ABCB4: variants seen among roughly 807,000 people sequenced by gnomAD.
ABCB4 encodes the protein ATP binding cassette subfamily B member 4.
ABCB4 carries 76 observed loss-of-function variants against 145.7 expected under a neutral mutation model. That is an observed-to-expected ratio of 0.52 (90% CI 0.43 to 0.63). The LOEUF is 0.63. Ranked by LOEUF, ABCB4 falls within the 30% of genes least tolerant of loss-of-function variation. ABCB4 has a pLI of 0.00. For synonymous variants in ABCB4, 517 were observed against 566.8 expected (o/e 0.91, Z 1.25); for missense variants, 1,234 against 1,553.1 (o/e 0.79, Z 3.45).
At chr7:87,387,482 G>C in the ABCB4 span, among the ~76,000 whole-genome samples, 2 of 143,132 alleles carry the variant, frequency 1.4e-5, no homozygotes, top group East Asian at 4.1e-4. Flanking sequence ...TTGTACAGTT[G>C]ACCCTTCAAC....
At chr7:87,383,191 A>G in the ABCB4 span, among the ~76,000 whole-genome samples, 6 of 152,152 alleles carry the variant, frequency 3.9e-5, no homozygotes, top group Non-Finnish European at 8.8e-5. Flanking sequence ...CTACTGTGCT[A>G]TCGAACACTA....
chr7:87,439,830 T>A lies in ABCB4; in HGVS notation c.1568A>T (p.Asp523Val). 2 of 1,614,158 alleles carry A rather than the reference T, an allele frequency of 1.2e-6. No homozygotes were observed. Among genetic ancestry groups the A allele is most frequent in the Non-Finnish European group, 1.7e-6 (2 of 1,180,012 alleles). Residue 523 changes from aspartate to valine, a missense_variant, in exon 14 of 28, where the codon GAC becomes GTC. By Grantham distance (152) the Asp-to-Val change is radical. Around this residue, in one of 7 missense-constraint regions of ABCB4, gnomAD observed 467 missense variants for 632.8 expected, o/e 0.74. Transcript: ENST00000649586. ...EFIMKLPQKF[D>V]TLVGERGAQL... ...GGCCCCTCTCTCTCCAACCAGGGTG[T>A]CAAATTTCTAACACAGAAAACATGG...
the ABCB4 span, chr7:87,375,775 T>G: frequency 6.2e-7 from 1 of 1,612,414 alleles, no homozygotes; most frequent in Non-Finnish European, 8.5e-7. Flanking sequence ...CAAACTCTTT[T>G]GATGTATTGT....
intron 21 of ABCB4, among the ~76,000 whole-genome samples, chr7:87,415,715 A>T (rs990208097): frequency 6.6e-6 from 1 of 152,206 alleles, no homozygotes; most frequent in Admixed American, 6.5e-5. Context: ...TGTGAATAGC[A>T]AGACCAAAGC....
At chr7:87,412,473 G>A (rs553341768) in intron 22 of ABCB4, among the ~76,000 whole-genome samples, 41 of 152,204 alleles carry the variant, frequency 2.7e-4, no homozygotes, top group African/African-American at 9.6e-4. Context: ...TCATGTTTCA[G>A]ATTCACAAAA....
chr7:87,408,076 C>T lies in ABCB4; in HGVS notation c.3240G>A (p.Gln1080=), dbSNP rs762812271. 1.2e-6 allele frequency: 2 copies of T among 1,614,148 alleles called. No individual in the cohort carries two copies. The highest frequency in any genetic ancestry group is 1.7e-5 in the Admixed American group (1 of 60,028). The part of the protein sequence containing the change: ...SSGCGKSTVV[Q]LLERFYDPLA... The stretch of plus-strand genomic sequence containing the variant: ...AGGGGTCGTAGAACCGCTCCAGGAG[C>T]TGGACCACCGTGCTCTTCCCACAGC... Residue 1080 remains glutamine (Q), a synonymous_variant, in exon 25 of 28, where the codon CAG becomes CAA. Coordinates refer to ENST00000649586, the MANE Select transcript of ABCB4 (RefSeq NM_000443.4).
intron 15 of ABCB4, among the ~76,000 whole-genome samples, chr7:87,428,655 T>A (rs1177583989): frequency 6.6e-6 from 1 of 152,000 alleles, no homozygotes; most frequent in Non-Finnish European, 1.5e-5. Flanking sequence ...TTCTCACAAA[T>A]CAATGAGAAT....
At chr7:87,398,846 C>T (rs902894331), downstream of ABCB4, 2 of 561,564 alleles carry the variant, frequency 3.6e-6, no homozygotes, top group South Asian at 2.2e-5. Context: ...TTTTAAGCTC[C>T]TCTGATGCAG....
At chr7:87,454,028 AT>A (rs753254107) in intron 5 of ABCB4, among the ~76,000 whole-genome samples, 16 of 152,262 alleles carry the variant, frequency 1.1e-4, no homozygotes, top group Non-Finnish European at 1.8e-4. Flanking sequence ...ATTTTAAAAA[AT>A]AATAAGTACA....
chr7:87,375,311 G>T, the ABCB4 span: 18 of 226,124 alleles, frequency 8.0e-5, no homozygotes, highest in African/African-American at 4.1e-4. Flanking sequence ...CCATTGTAAG[G>T]ATATTTACAG....
chr7:87,451,386 T>C (rs1811721061), intron 7 of ABCB4, among the ~76,000 whole-genome samples: 1 of 152,160 alleles, frequency 6.6e-6, no homozygotes, highest in African/African-American at 2.4e-5. Flanking sequence ...TTTATGTACC[T>C]TGGCCTCCCA....
the ABCB4 span, among the ~76,000 whole-genome samples, chr7:87,378,757 C>T: frequency 6.6e-6 from 1 of 152,160 alleles, no homozygotes; most frequent in Admixed American, 6.5e-5. Context: ...ATGAGCTTGG[C>T]CTGGGTCACA....
chr7:87,379,727 T>C, the ABCB4 span, among the ~76,000 whole-genome samples: 1 of 152,256 alleles, frequency 6.6e-6, no homozygotes, highest in South Asian at 2.1e-4. Flanking sequence ...CTCCACCTGA[T>C]AATTTGCATT....
the ABCB4 span, among the ~76,000 whole-genome samples, chr7:87,371,022 T>C: frequency 8.6e-3 from 1,306 of 152,334 alleles, 20 homozygotes; most frequent in African/African-American, 0.03. Context: ...ATGTTTATAA[T>C]TGATCTTTTG....
intron 3 of ABCB4, among the ~76,000 whole-genome samples, chr7:87,468,662 G>A (rs1232517518): frequency 6.6e-6 from 1 of 152,100 alleles, no homozygotes; most frequent in Non-Finnish European, 1.5e-5. Flanking sequence ...CGTGGGCGCG[G>A]TGGCTCACGC....
rs761918535 is a variant in ABCB4 at position 87,443,394 on chromosome 7, C to G, written c.1281G>C (p.Leu427=). ...LKVQSGQTVA[L]VGSSGCGKST... ...TCTTCCCACAGCCACTACTTCCAAC[C>G]AGGGCCACCGTCTGCCCACTCTGCA... Residue 427 remains leucine, a synonymous_variant, in exon 12 of 28, where the codon CTG becomes CTC. Coordinates refer to ENST00000649586, the MANE Select transcript of ABCB4 (RefSeq NM_000443.4). The G allele has an allele frequency of 8.7e-6, 14 of 1,613,980 alleles. No homozygotes were observed. In the East Asian group the frequency reaches 8.9e-5, roughly 10 times the overall value.
downstream of ABCB4, among the ~76,000 whole-genome samples, chr7:87,397,303 A>C (rs1400122642): frequency 1.3e-5 from 2 of 151,720 alleles, no homozygotes; most frequent in African/African-American, 4.8e-5. Flanking sequence ...GTGAGCTGAG[A>C]TCATGCCACT....
chr7:87,401,057 T>TATACAGGA (rs1807758554), downstream of ABCB4, among the ~76,000 whole-genome samples: 1 of 152,338 alleles, frequency 6.6e-6, no homozygotes, highest in Middle Eastern at 3.4e-3. Flanking sequence ...TGGGTATCAT[T>TATACAGGA]ATACAGGAAT....
At chr7:87,382,415 A>G in the ABCB4 span, 2 of 1,610,496 alleles carry the variant, frequency 1.2e-6, no homozygotes, top group Non-Finnish European at 1.7e-6. Flanking sequence ...CTTGTTAGGC[A>G]TCTGATCTAC....
Sources: gnomAD v4.1 joint callset for allele counts (sites outside exome capture counted in the v4.1 genomes callset) on GRCh38, gnomAD v4.1.1 for gene constraint, gnomAD v4.1.1 regional missense constraint, MANE v1.5 for transcripts, NCBI Gene and HGNC (gene_info 2026-07-23, HGNC 2026-07-21) for gene names.